Variants in LEMD1 observed in about 807,000 individuals in gnomAD.
The protein encoded by LEMD1 is LEM domain-containing protein 1.
A neutral mutation model predicts 17.4 loss-of-function variants in LEMD1; 18 were observed. The ratio of observed to expected loss-of-function variants is 1.04; its 90% confidence interval spans 0.72 to 1.54. LEMD1 has a LOEUF of 1.54. LEMD1 is among the 40% of genes most tolerant of loss of function. The pLI is 0.00. For synonymous variants in LEMD1, 88 were observed against 77.8 expected (o/e 1.13, Z -0.69); for missense variants, 195 against 210.4 (o/e 0.93, Z 0.45).
chr1:205,426,537 G>A (rs146473262), upstream of LEMD1, among the ~76,000 whole-genome samples: 24 of 152,334 alleles, frequency 1.6e-4, no homozygotes, highest in East Asian at 3.3e-3. Context: ...GGAACTCAGA[G>A]TGGGAAGAAC....
At chr1:205,434,800 C>G (rs192765678) in intron 1 of LEMD1, 2 of 152,340 alleles carry the variant, frequency 1.3e-5, no homozygotes, top group East Asian at 3.9e-4. Flanking sequence ...AAATGTTTAG[C>G]TTCTGCTGCT....
intron 1 of LEMD1, among the ~76,000 whole-genome samples, chr1:205,433,458 G>A (rs994217116): frequency 6.6e-6 from 1 of 152,030 alleles, no homozygotes; most frequent in Admixed American, 6.6e-5. Context: ...CTCTGTCTTG[G>A]GAAAAAGAAA....
chr1:205,418,133 C>T (rs983939328), intron 3 of LEMD1, among the ~76,000 whole-genome samples: 4 of 152,144 alleles, frequency 2.6e-5, no homozygotes, highest in African/African-American at 9.7e-5. Flanking sequence ...AGTCACTTGG[C>T]CTCTCTGAGC....
intron 4 of LEMD1, among the ~76,000 whole-genome samples, chr1:205,396,712 A>C (rs1229926538): frequency 6.6e-6 from 1 of 152,220 alleles, no homozygotes; most frequent in Non-Finnish European, 1.5e-5. Context: ...TATCATTTAA[A>C]TGAAATACAA....
At chr1:205,445,733 T>A (rs1353224106) in intron 1 of LEMD1, among the ~76,000 whole-genome samples, 1 of 152,194 alleles carries the variant, frequency 6.6e-6, no homozygotes, top group Admixed American at 6.5e-5. Flanking sequence ...CGGCAGAGGC[T>A]GGCCCACCGT....
intron 1 of LEMD1, among the ~76,000 whole-genome samples, chr1:205,445,645 T>C (rs971117966): frequency 6.6e-6 from 1 of 152,230 alleles, no homozygotes; most frequent in African/African-American, 2.4e-5. Context: ...TCTGAGATTC[T>C]TGGGAGCTGG....
chr1:205,407,725 T>C (rs1460052558), intron 4 of LEMD1, among the ~76,000 whole-genome samples: 1 of 152,162 alleles, frequency 6.6e-6, no homozygotes, highest in Non-Finnish European at 1.5e-5. Flanking sequence ...TGATTTTTAG[T>C]GAGTCAGTTA....
At chr1:205,412,370 C>T (rs954082279) in intron 4 of LEMD1, among the ~76,000 whole-genome samples, 5 of 151,918 alleles carry the variant, frequency 3.3e-5, no homozygotes, top group African/African-American at 9.7e-5. Flanking sequence ...GTGTTTTTAA[C>T]GACCAAATCC....
chr1:205,444,230 G>A (rs974090553), intron 1 of LEMD1, among the ~76,000 whole-genome samples: 2 of 152,060 alleles, frequency 1.3e-5, no homozygotes, highest in Admixed American at 6.6e-5. Context: ...GAGGCAGGGT[G>A]GACACTGGAC....
intron 4 of LEMD1, among the ~76,000 whole-genome samples, chr1:205,389,466 T>C (rs11240465): frequency 0.76 from 114,925 of 152,126 alleles, 43,625 homozygotes; most frequent in African/African-American, 0.81. Context: ...AGGCTTGAAG[T>C]TGGCCAAAAT....
chr1:205,449,598 A>ACACAG (rs974143724), intron 1 of LEMD1, among the ~76,000 whole-genome samples: 34 of 151,082 alleles, frequency 2.3e-4, no homozygotes, highest in African/African-American at 7.8e-4. Context: ...AGCACACAGC[A>ACACAG]CACAGCACAG....
chr1:205,426,797 A>T (rs115292640), upstream of LEMD1, among the ~76,000 whole-genome samples: 44 of 152,150 alleles, frequency 2.9e-4, no homozygotes, highest in African/African-American at 1.1e-3. Context: ...GAAGCTGATG[A>T]TGGGTTGCCA....
At chr1:205,397,940 A>T (rs1478290693) in intron 4 of LEMD1, among the ~76,000 whole-genome samples, 2 of 152,204 alleles carry the variant, frequency 1.3e-5, no homozygotes, top group African/African-American at 4.8e-5. Flanking sequence ...TCTTGGAATC[A>T]TTATAATCAG....
At chr1:205,399,436 C>T (rs766830604) in intron 4 of LEMD1, among the ~76,000 whole-genome samples, 3 of 152,120 alleles carry the variant, frequency 2.0e-5, no homozygotes, top group Non-Finnish European at 4.4e-5. Context: ...TATACAGATA[C>T]ATACATTTAT....
At position 205,381,583 on chromosome 1, in the gene LEMD1, C is replaced by G; in HGVS notation, c.*75G>C. On this transcript the variant is annotated 3_prime_UTR_variant, in exon 6 of 6. Transcript: ENST00000367153. ...AAGGGAGGGCTGCAGGCTAGGCTGGCCCTTCAGGGTAGTGTTTTGGTTCTT... is the reference window on the plus strand; with the variant it reads ...AAGGGAGGGCTGCAGGCTAGGCTGGGCCTTCAGGGTAGTGTTTTGGTTCTT... The G allele has an allele frequency of 2.6e-4, 367 of 1,394,878 alleles. No individual in the cohort carries two copies. The highest frequency in any genetic ancestry group is 2.2e-3 in the Admixed American group (127 of 57,628). 86.4% of individuals were successfully genotyped at this position (1,394,878 alleles called of 1,614,324 possible).
At chr1:205,433,088 C>T (rs1666150042) in intron 1 of LEMD1, among the ~76,000 whole-genome samples, 1 of 152,220 alleles carries the variant, frequency 6.6e-6, no homozygotes. Flanking sequence ...GTTGTGTTCT[C>T]TCAGGACTCT....
chr1:205,414,434 G>A (rs28415237), intron 4 of LEMD1, among the ~76,000 whole-genome samples: 8,372 of 132,194 alleles, frequency 0.063, 314 homozygotes, highest in South Asian at 0.096. Context: ...AAAAAAAAAA[G>A]TTTTTTTTGA....
At chr1:205,407,026 T>A (rs947396739) in intron 4 of LEMD1, among the ~76,000 whole-genome samples, 1 of 152,038 alleles carries the variant, frequency 6.6e-6, no homozygotes, top group Non-Finnish European at 1.5e-5. Context: ...AGGCCAACCA[T>A]GTGATAAGAA....
At chr1:205,415,262 C>T (rs967590061) in intron 4 of LEMD1, among the ~76,000 whole-genome samples, 3 of 151,908 alleles carry the variant, frequency 2.0e-5, no homozygotes, top group Admixed American at 1.3e-4. Context: ...CAGGAAGAAG[C>T]GAGGAAGGAA....
Sources: gnomAD v4.1 joint callset for allele counts (sites outside exome capture counted in the v4.1 genomes callset) on GRCh38, gnomAD v4.1.1 for gene constraint, MANE v1.5 for transcripts, NCBI Gene and HGNC (gene_info 2026-07-23, HGNC 2026-07-21) for gene names.